ZNF518A: variants seen among roughly 807,000 people sequenced by gnomAD.
ZNF518A encodes zinc finger protein 518A.
A neutral mutation model predicts 102.7 loss-of-function variants in ZNF518A; 47 were observed. The observed-to-expected ratio is 0.46, with a 90% CI of 0.36 to 0.58. The LOEUF (loss-of-function observed/expected upper bound fraction) is 0.58, where lower values mean the gene tolerates loss of function less well. ZNF518A is among the 20% of genes least tolerant of loss of function. The pLI, the probability that ZNF518A is intolerant of heterozygous loss-of-function variation, is 0.00. For synonymous variants in ZNF518A, 652 were observed against 594.6 expected (o/e 1.10, Z -1.40); for missense variants, 1,793 against 1,699.8 (o/e 1.05, Z -0.96).
intron 1 of ZNF518A, among the ~76,000 whole-genome samples, chr10:96,190,993 C>T (rs965778272): frequency 2.6e-5 from 4 of 152,134 alleles, no homozygotes; most frequent in African/African-American, 7.2e-5. Context: ...TTGTAGCTCC[C>T]ATAATCCCCA....
At chr10:96,177,923 A>G (rs1277309021) in intron 1 of ZNF518A, among the ~76,000 whole-genome samples, 1 of 152,168 alleles carries the variant, frequency 6.6e-6, no homozygotes, top group African/African-American at 2.4e-5. Flanking sequence ...TTAAGAAGAC[A>G]TAACTATCCT....
At chr10:96,197,253 C>T (rs968248693) in intron 1 of ZNF518A, among the ~76,000 whole-genome samples, 3 of 152,040 alleles carry the variant, frequency 2.0e-5, no homozygotes, top group Non-Finnish European at 4.4e-5. Flanking sequence ...AATATATACT[C>T]ATAGAAAATC....
intron 1 of ZNF518A, among the ~76,000 whole-genome samples, chr10:96,188,181 A>G (rs11188655): frequency 0.28 from 41,994 of 152,172 alleles, 6,508 homozygotes; most frequent in Non-Finnish European, 0.34. Context: ...CATCAAGAAT[A>G]CCACTTGCAG....
intron 1 of ZNF518A, 123 bp from the exon 2 acceptor site, chr10:96,132,463 A>G (rs1288832727): frequency 2.0e-5 from 3 of 150,952 alleles, no homozygotes; most frequent in Non-Finnish European, 3.0e-5. Context: ...TTAAGTGTAT[A>G]GAAGTTTTTT....
intron 1 of ZNF518A, chr10:96,192,206 A>G (rs587678167): frequency 7.2e-7 from 1 of 1,388,346 alleles, no homozygotes; most frequent in Non-Finnish European, 1.0e-6. Flanking sequence ...ACCCCAGCTG[A>G]CATTCTGCAC....
At chr10:96,184,975 A>C (rs2083262467) in intron 1 of ZNF518A, among the ~76,000 whole-genome samples, 1 of 152,164 alleles carries the variant, frequency 6.6e-6, no homozygotes, top group Non-Finnish European at 1.5e-5. Context: ...ACATAGTCCC[A>C]TATTTCTTAG....
At chr10:96,137,438 A>G (rs1564742480) in intron 3 of ZNF518A, among the ~76,000 whole-genome samples, 1 of 152,212 alleles carries the variant, frequency 6.6e-6, no homozygotes, top group East Asian at 1.9e-4. Flanking sequence ...ATTTTGCCTT[A>G]CATCCAAGCT....
intron 3 of ZNF518A, among the ~76,000 whole-genome samples, chr10:96,148,187 C>T (rs933820567): frequency 6.6e-6 from 1 of 152,130 alleles, no homozygotes; most frequent in Non-Finnish European, 1.5e-5. Context: ...CGCCTGTAAT[C>T]CCAGCACTTT....
chr10:96,148,501 A>T (rs1432488179), intron 3 of ZNF518A, among the ~76,000 whole-genome samples: 1 of 151,738 alleles, frequency 6.6e-6, no homozygotes, highest in African/African-American at 2.4e-5. Flanking sequence ...ACTTTTTTTG[A>T]TTTAATTGGT....
Position 96,156,907 on chromosome 10 carries a change from G to A in ZNF518A, c.585G>A (p.Lys195=), listed in dbSNP as rs1554882853. The A allele has an allele frequency of 6.2e-7, 1 of 1,613,662 alleles. No individual in the cohort carries two copies. Among genetic ancestry groups the A allele is most frequent in the Non-Finnish European group, 8.5e-7 (1 of 1,179,794 alleles). The change falls in exon 6 of 6, where the codon AAG becomes AAA. Residue 195 remains lysine, a synonymous_variant. Coordinates refer to ENST00000316045, the MANE Select transcript of ZNF518A (RefSeq NM_001330736.2). The stretch of plus-strand genomic sequence containing the variant: ...TATATACTTTACTGAACTTGACAAA[G>A]CATTTCACATCCACACATTGTGTTA... ...ESVYTLLNLT[K]HFTSTHCVNG...
In ZNF518A at chr10:96,161,585, G is replaced by GCTTAA. The variant is rs1378603670; in HGVS notation, c.*815_*816insACTTA. The GCTTAA allele has an allele frequency of 6.0e-6, 1 of 166,642 alleles. No homozygotes were observed. The highest frequency in any genetic ancestry group is 1.5e-5 in the Non-Finnish European group (1 of 68,032). 10.3% of individuals were successfully genotyped at this position (166,642 alleles called of 1,614,324 possible). A position where few individuals can be genotyped will look rare whatever the true frequency, so the allele number is the denominator to read the frequency against. ...TGATGATCCCTTTGCACAGAACTATGCTTATCTCATGTTTGTCCTCCATAA... is the reference window on the plus strand; with the variant it reads ...TGATGATCCCTTTGCACAGAACTATGCTTAACTTATCTCATGTTTGTCCTCCATAA... On this transcript the variant is annotated 3_prime_UTR_variant, in exon 6 of 6. Transcript: ENST00000316045.
At chr10:96,193,014 T>G (rs2083367660) in intron 1 of ZNF518A, among the ~76,000 whole-genome samples, 1 of 152,178 alleles carries the variant, frequency 6.6e-6, no homozygotes, top group Admixed American at 6.5e-5. Flanking sequence ...TTGGATGACT[T>G]CCAAGTAGCT....
intron 1 of ZNF518A, among the ~76,000 whole-genome samples, chr10:96,182,411 GTT>G (rs2083245653): frequency 1.3e-5 from 2 of 152,208 alleles, no homozygotes; most frequent in Admixed American, 1.3e-4. Context: ...TCTTGTGCCA[GTT>G]TTCAAAGGGA....
At position 96,180,952 on chromosome 10, in the gene ZNF518A, C is replaced by G. The variant is rs372124730; in HGVS notation, n.36-22622C>G. 8.0e-3 allele frequency among the ~76,000 whole-genome samples: 1,213 copies of G among 152,304 alleles called. 15 individuals are homozygous for G. The highest frequency in any genetic ancestry group is 0.026 in the African/African-American group (1,071 of 41,580). ...TCCACAATGGTTGAACTAGTTTACA[C>G]TCCCACCAACAGTGTAAAAGTGTTC... is the stretch of plus-strand genomic sequence containing the variant. On this transcript the variant is annotated intron_variant and non_coding_transcript_variant, in intron 1 of 2. Transcript: ENST00000442635.
rs952385203 is a variant in ZNF518A, at chr10:96,133,637, C to T, written c.-313C>T. On this transcript the variant is annotated 5_prime_UTR_variant, in exon 3 of 6. Transcript: ENST00000316045. ...TTGGATACCACAGTATCATAAAATT[C>T]CTCTAAATGCAGTAAGTATACACAT... 5 of 152,162 alleles carry T rather than the reference C, an allele frequency of 3.3e-5. No homozygotes were observed. The highest frequency in any genetic ancestry group is 7.2e-5 in the African/African-American group (3 of 41,432). The allele number at this position is 152,162 out of a possible 1,614,324, so 9.4% of individuals were successfully genotyped here.
At chr10:96,134,831 A>T (rs1201605911) in intron 3 of ZNF518A, among the ~76,000 whole-genome samples, 1 of 152,234 alleles carries the variant, frequency 6.6e-6, no homozygotes, top group Non-Finnish European at 1.5e-5. Flanking sequence ...CATAGGTCTC[A>T]TTTCATGAGG....
chr10:96,139,872 T>C (rs2081825142), intron 3 of ZNF518A, among the ~76,000 whole-genome samples: 1 of 152,162 alleles, frequency 6.6e-6, no homozygotes. Flanking sequence ...GTTTTTATTT[T>C]TTCGAGACGG....
chr10:96,172,211 A>G (rs1333003057), intron 1 of ZNF518A, among the ~76,000 whole-genome samples: 4 of 152,160 alleles, frequency 2.6e-5, no homozygotes, highest in Non-Finnish European at 5.9e-5. Flanking sequence ...AAAAGAGAAT[A>G]TAATTGCATC....
intron 3 of ZNF518A, among the ~76,000 whole-genome samples, chr10:96,136,006 G>A (rs2081577908): frequency 6.6e-6 from 1 of 152,104 alleles, no homozygotes; most frequent in South Asian, 2.1e-4. Context: ...ATGATTATAG[G>A]CTGATCCAGG....
Sources: gnomAD v4.1 joint callset for allele counts (sites outside exome capture counted in the v4.1 genomes callset) on GRCh38, gnomAD v4.1.1 for gene constraint, MANE v1.5 for transcripts, NCBI Gene and HGNC (gene_info 2026-07-23, HGNC 2026-07-21) for gene names.